The following AK8 variants were observed in gnomAD, a reference collection of about 807,000 sequenced individuals.
AK8 encodes the protein adenylate kinase 8.
Under a neutral mutation model 54.6 loss-of-function variants are expected in AK8, and 44 were observed. That is an observed-to-expected ratio of 0.81 (90% confidence interval 0.63 to 1.04). The LOEUF (loss-of-function observed/expected upper bound fraction) is 1.04, where lower values mean the gene tolerates loss of function less well. Ranked by LOEUF, AK8 falls within the 50% of genes least tolerant of loss-of-function variation. AK8 has a pLI of 0.00. For synonymous variants in AK8, 239 were observed against 245.6 expected, an observed-to-expected ratio of 0.97 and a Z score of 0.25; for missense variants, 555 against 613.6, an observed-to-expected ratio of 0.90 and a Z score of 1.01.
In AK8 at chr9:132,790,407, C is replaced by T. The variant is rs58013559; in HGVS notation, c.1121+2227G>A. On this transcript the variant is annotated intron_variant, in intron 11 of 12. Coordinates refer to ENST00000298545, the MANE Select transcript of AK8 (RefSeq NM_152572.3). This position sits in a 1 kb window ranked among gnomAD's most constrained non-coding sequence, Gnocchi z 4.1. Reference sequence around the variant, plus strand: ...CTGGGACTACAGGCGGCCGCCACCACGTCCAGCTAATTTTTTGTATTTTTT... The same window carrying T: ...CTGGGACTACAGGCGGCCGCCACCATGTCCAGCTAATTTTTTGTATTTTTT... 9.8e-3 allele frequency among the ~76,000 whole-genome samples: 1,488 copies of T among 152,230 alleles called. 25 individuals are homozygous for T. The highest frequency in any genetic ancestry group is 0.033 in the African/African-American group (1,351 of 41,536).
intron 11 of AK8, among the ~76,000 whole-genome samples, chr9:132,774,976 T>C (rs546469821): frequency 6.6e-6 from 1 of 152,286 alleles, no homozygotes; most frequent in African/African-American, 2.4e-5. Context: ...GTTGTAAACC[T>C]TAAAGGTAGG....
At chr9:132,732,514 C>T (rs1246875821) in intron 11 of AK8, among the ~76,000 whole-genome samples, 1 of 152,078 alleles carries the variant, frequency 6.6e-6, no homozygotes, top group Non-Finnish European at 1.5e-5. Context: ...TCCTCCAGGC[C>T]ACAGGAATTT....
intron 8 of AK8, among the ~76,000 whole-genome samples, chr9:132,825,659 C>T (rs947643366): frequency 4.6e-5 from 7 of 152,320 alleles, no homozygotes; most frequent in Middle Eastern, 3.4e-3. Context: ...CGGCAAACAC[C>T]GCATCTCCGA....
Position 132,791,404 on chromosome 9 carries a change from C to T in AK8, c.1121+1230G>A, listed in dbSNP as rs1839941939. ...GTTCAAGATGAGATTTGGGTGGGAA[C>T]ACAGAGCCAAACCATATCACAGATC... On this transcript the variant is annotated intron_variant, in intron 11 of 12. Coordinates refer to ENST00000298545, the MANE Select transcript of AK8 (RefSeq NM_152572.3). This position sits in a 1 kb window ranked among gnomAD's most constrained non-coding sequence, Gnocchi z 4.0. Among the ~76,000 whole-genome samples, 1 of 152,294 alleles carries T rather than the reference C, an allele frequency of 6.6e-6. No individual in the cohort carries two copies. Among genetic ancestry groups the T allele is most frequent in the Admixed American group, 6.5e-5 (1 of 15,294 alleles).
At chr9:132,796,110 T>TAAGTGACCC (rs1284587572) in intron 10 of AK8, among the ~76,000 whole-genome samples, 2 of 152,186 alleles carry the variant, frequency 1.3e-5, no homozygotes, top group Non-Finnish European at 1.5e-5. Flanking sequence ...GGTTGTGGTT[T>TAAGTGACCC]AAGTGACCCG....
intron 10 of AK8, among the ~76,000 whole-genome samples, chr9:132,812,955 C>G (rs929380498): frequency 3.4e-4 from 45 of 131,900 alleles, no homozygotes; most frequent in East Asian, 4.4e-4. Flanking sequence ...TGAGCCTACA[C>G]AGATCACCTC....
chr9:132,778,996 C>G (rs1839346183), intron 11 of AK8, among the ~76,000 whole-genome samples: 1 of 151,944 alleles, frequency 6.6e-6, no homozygotes, highest in Admixed American at 6.6e-5. Context: ...TTCCCCACTT[C>G]CAAGCCAATG....
At chr9:132,807,954 T>C (rs573912774) in intron 10 of AK8, among the ~76,000 whole-genome samples, 78 of 152,056 alleles carry the variant, frequency 5.1e-4, no homozygotes, top group Admixed American at 8.5e-4. Context: ...CCACCGCTGA[T>C]TTAAGCAAAG....
chr9:132,727,768 T>C (rs1417071823), intron 11 of AK8, among the ~76,000 whole-genome samples: 1 of 151,976 alleles, frequency 6.6e-6, no homozygotes, highest in African/African-American at 2.4e-5. Flanking sequence ...CAAACCAATA[T>C]TCTTCCTGCC....
intron 2 of AK8, among the ~76,000 whole-genome samples, chr9:132,870,607 T>C (rs1843775794): frequency 6.6e-6 from 1 of 152,258 alleles, no homozygotes; most frequent in Non-Finnish European, 1.5e-5. Context: ...TCTGCCTTTC[T>C]GGCGGCGAAG....
chr9:132,735,994 G>C (rs895459932), intron 11 of AK8, among the ~76,000 whole-genome samples: 1 of 152,148 alleles, frequency 6.6e-6, no homozygotes, highest in Non-Finnish European at 1.5e-5. Flanking sequence ...GCATGTTACC[G>C]CACTGAATAC....
chr9:132,787,796 A>G (rs1339633244), intron 11 of AK8, among the ~76,000 whole-genome samples: 1 of 152,208 alleles, frequency 6.6e-6, no homozygotes, highest in Non-Finnish European at 1.5e-5. Flanking sequence ...TTTCCGGTGT[A>G]ACAGTCCACT....
chr9:132,744,894 G>A (rs916809164), intron 11 of AK8, among the ~76,000 whole-genome samples: 3 of 152,194 alleles, frequency 2.0e-5, no homozygotes, highest in East Asian at 1.9e-4. Context: ...CACTGGGCTC[G>A]GTTTACCCGC....
intron 11 of AK8, among the ~76,000 whole-genome samples, chr9:132,774,451 C>G (rs1248928397): frequency 6.6e-6 from 1 of 152,216 alleles, no homozygotes; most frequent in Non-Finnish European, 1.5e-5. Context: ...TTTTAGACAT[C>G]TGCCACCTGA....
At chr9:132,797,967 C>T (rs988180712) in intron 10 of AK8, among the ~76,000 whole-genome samples, 2 of 152,216 alleles carry the variant, frequency 1.3e-5, no homozygotes, top group African/African-American at 4.8e-5. Flanking sequence ...GCTCCTCGTT[C>T]GAGTCCTTTA....
intron 11 of AK8, among the ~76,000 whole-genome samples, chr9:132,747,790 G>A (rs1345741746): frequency 2.0e-5 from 3 of 147,482 alleles, no homozygotes; most frequent in South Asian, 4.4e-4. Flanking sequence ...CAATGAGACT[G>A]TACTATTTCT....
At chr9:132,750,188 G>A (rs982272957) in intron 11 of AK8, among the ~76,000 whole-genome samples, 4 of 151,734 alleles carry the variant, frequency 2.6e-5, no homozygotes, top group South Asian at 2.1e-4. Context: ...GTGCGATCTC[G>A]GCTCACTGCA....
At chr9:132,822,514 C>G (rs1322320318) in intron 9 of AK8, among the ~76,000 whole-genome samples, 1 of 151,828 alleles carries the variant, frequency 6.6e-6, no homozygotes, top group Non-Finnish European at 1.5e-5. Flanking sequence ...GTAGAGGCTA[C>G]TTAGGTTTGT....
chr9:132,852,395 G>A (rs1010831671), intron 5 of AK8, among the ~76,000 whole-genome samples: 2 of 152,094 alleles, frequency 1.3e-5, no homozygotes, highest in Admixed American at 1.3e-4. Context: ...GGATCATGAG[G>A]TCAGGAGATT....
Sources: allele counts gnomAD v4.1 joint callset (sites outside exome capture counted in the v4.1 genomes callset), GRCh38; gene constraint gnomAD v4.1.1; non-coding constraint Gnocchi (gnomAD v3.1); transcripts MANE v1.5; gene names NCBI Gene and HGNC (gene_info 2026-07-23, HGNC 2026-07-21).